The following FAM167A variants were observed in gnomAD, a reference collection of about 807,000 sequenced individuals.
The protein encoded by FAM167A is protein FAM167A.
A neutral mutation model predicts 14.9 loss-of-function variants in FAM167A; 23 were observed. The observed-to-expected ratio is 1.55, with a 90% CI of 1.11 to 2.19. The LOEUF is 2.19. Among genes scored for constraint, FAM167A ranks in the 30% most tolerant of loss-of-function variants. The probability of loss-of-function intolerance (pLI) is 0.00; values close to 1 mark genes in which losing one functional copy is unlikely to be tolerated. For synonymous variants in FAM167A, 174 were observed against 117.7 expected (o/e 1.48, Z -3.10); for missense variants, 401 against 281.5 (o/e 1.42, Z -3.04).
In FAM167A at chr8:11,444,455, G is replaced by A; in HGVS notation, c.-44C>T. ...AGCCGGACATGCGAGGGCACGGGGG[G>A]CGCAGGGGGAGGCTTGGTGGGTGGC... On this transcript the variant is annotated 5_prime_UTR_variant, in exon 2 of 3. Coordinates refer to ENST00000284486, the MANE Select transcript of FAM167A (RefSeq NM_053279.3). The A allele has an allele frequency of 6.6e-7, 1 of 1,509,748 alleles. No homozygotes were observed. Among genetic ancestry groups the A allele is most frequent in the Non-Finnish European group, 8.8e-7 (1 of 1,130,788 alleles). The allele number at this position is 1,509,748 out of a possible 1,614,324, so 93.5% of individuals were successfully genotyped here.
At chr8:11,439,557 T>C (rs1456145148) in intron 2 of FAM167A, among the ~76,000 whole-genome samples, 1 of 134,352 alleles carries the variant, frequency 7.4e-6, no homozygotes, top group Non-Finnish European at 1.7e-5. Flanking sequence ...TGAAAACTTG[T>C]CAAGGTTCTC....
chr8:11,474,835 G>C lies in FAM167A; in HGVS notation c.-398+1031C>G, dbSNP rs564432056. 78 of 152,534 alleles carry C rather than the reference G, an allele frequency of 5.1e-4. 1 individual carries two copies. The highest frequency in any genetic ancestry group is 1.9e-3 in the African/African-American group (77 of 41,348). The allele number at this position is 152,534 out of a possible 1,614,324, so 9.4% of individuals were successfully genotyped here. On this transcript the variant is annotated intron_variant, in intron 1 of 1. Coordinates refer to the FAM167A transcript ENST00000648766. ...AGGAAAAGGAGGGGGTAAGGAGGAA[G>C]ATGAGGAGGCAGAGGGGGAGGGGGA...
Position 11,422,017 on chromosome 8 carries a change from C to A in FAM167A, c.*2356G>T. On this transcript the variant is annotated 3_prime_UTR_variant, in exon 3 of 3. Coordinates refer to ENST00000284486, the MANE Select transcript of FAM167A (RefSeq NM_053279.3). ...CTCCACTTCTCATCTTGGGTCACCT[C>A]CTCATCCCATAATAAAGTTCTCTTA... 1 of 394,414 alleles carries A rather than the reference C, an allele frequency of 2.5e-6. No individual in the cohort carries two copies. Among genetic ancestry groups the A allele is most frequent in the Non-Finnish European group, 4.5e-6 (1 of 224,030 alleles). 24.4% of individuals were successfully genotyped at this position (394,414 alleles called of 1,614,324 possible).
intron 1 of FAM167A, among the ~76,000 whole-genome samples, chr8:11,473,881 CT>C (rs960751778): frequency 7.9e-5 from 12 of 151,112 alleles, no homozygotes; most frequent in African/African-American, 1.7e-4. Context: ...TTTCTTTCTT[CT>C]TTTTTTTTGA....
At chr8:11,441,820 T>C (rs1034297493) in intron 2 of FAM167A, among the ~76,000 whole-genome samples, 1 of 152,234 alleles carries the variant, frequency 6.6e-6, no homozygotes, top group African/African-American at 2.4e-5. Context: ...TGTTTCTCTC[T>C]CTGCCCCCAC....
chr8:11,454,085 G>T (rs773027431), intron 1 of FAM167A, among the ~76,000 whole-genome samples: 1 of 152,252 alleles, frequency 6.6e-6, no homozygotes, highest in African/African-American at 2.4e-5. Flanking sequence ...TAGCTACACT[G>T]TGACTTAGGG....
At chr8:11,473,483 G>C (rs181687383) in intron 1 of FAM167A, among the ~76,000 whole-genome samples, 3 of 152,248 alleles carry the variant, frequency 2.0e-5, no homozygotes, top group African/African-American at 7.2e-5. Flanking sequence ...ACTGTACCCC[G>C]AAGAGATACT....
Position 11,447,183 on chromosome 8 carries a change from C to CTTTTCTTTTTTTT in FAM167A, c.-397-2376_-397-2375insAAAAAAAAGAAAA, listed in dbSNP as rs146992974. On this transcript the variant is annotated intron_variant, in intron 1 of 2. Coordinates refer to ENST00000284486, the MANE Select transcript of FAM167A (RefSeq NM_053279.3). ...TTTATTTCAATTATTGGTTTCTTTT[C>CTTTTCTTTTTTTT]TTTTTCTTTTTTTTGAGACGGAGTT... Among the ~76,000 whole-genome samples the CTTTTCTTTTTTTT allele has an allele frequency of 2.0e-4, 30 of 147,066 alleles. 4 individuals are homozygous for CTTTTCTTTTTTTT. The highest frequency in any genetic ancestry group is 2.1e-4 in the South Asian group (1 of 4,686).
At position 11,461,253 on chromosome 8, in the gene FAM167A, G is replaced by A. The variant is rs145396525; in HGVS notation, c.-398+5373C>T. On this transcript the variant is annotated intron_variant, in intron 1 of 2. Coordinates refer to ENST00000284486, the MANE Select transcript of FAM167A (RefSeq NM_053279.3). ...AAAGGGCGGCCCTGGCAGGCAGGAAGAGGTGCCTGAGAATCTGACAGTTTG... is the reference window on the plus strand; with the variant it reads ...AAAGGGCGGCCCTGGCAGGCAGGAAAAGGTGCCTGAGAATCTGACAGTTTG... 1.8e-3 allele frequency among the ~76,000 whole-genome samples: 276 copies of A among 152,362 alleles called. 5 individuals are homozygous for A. Among genetic ancestry groups the A allele is most frequent in the African/African-American group, 6.2e-3 (258 of 41,592 alleles).
intron 1 of FAM167A, among the ~76,000 whole-genome samples, chr8:11,474,292 A>G (rs373886673): frequency 6.6e-6 from 1 of 152,226 alleles, no homozygotes; most frequent in Non-Finnish European, 1.5e-5. Context: ...TTCAACAAGC[A>G]AACTGGCAGC....
At position 11,422,030 on chromosome 8, in the gene FAM167A, T is replaced by C. The variant is rs963506426; in HGVS notation, c.*2343A>G. On this transcript the variant is annotated 3_prime_UTR_variant, in exon 3 of 3. Transcript: ENST00000284486. ...CTTGGGTCACCTCCTCATCCCATAA[T>C]AAAGTTCTCTTAGGATAAACCGAGC... 5 of 392,036 alleles carry C rather than the reference T, an allele frequency of 1.3e-5. No individual in the cohort carries two copies. Among genetic ancestry groups the C allele is most frequent in the African/African-American group, 1.0e-4 (5 of 48,494 alleles). The allele number at this position is 392,036 out of a possible 1,614,324, so 24.3% of individuals were successfully genotyped here.
intron 2 of FAM167A, among the ~76,000 whole-genome samples, chr8:11,434,528 G>A (rs1265563105): frequency 6.6e-6 from 1 of 152,192 alleles, no homozygotes; most frequent in Non-Finnish European, 1.5e-5. Context: ...CCAGAGCCAG[G>A]CATAGAGCAG....
At chr8:11,441,387 T>G (rs1345300515) in intron 2 of FAM167A, among the ~76,000 whole-genome samples, 1 of 152,196 alleles carries the variant, frequency 6.6e-6, no homozygotes, top group Non-Finnish European at 1.5e-5. Flanking sequence ...TGTTGGAAAT[T>G]CGAAAGCACA....
intron 1 of FAM167A, among the ~76,000 whole-genome samples, chr8:11,464,928 TAGTAGAC>T (rs796573165): frequency 1.1e-4 from 17 of 152,216 alleles, no homozygotes; most frequent in African/African-American, 4.1e-4. Context: ...GGGGCCAAGC[TAGTAGAC>T]AGGAAGGCGG....
At chr8:11,431,738 C>T (rs946753749) in intron 2 of FAM167A, among the ~76,000 whole-genome samples, 1 of 151,702 alleles carries the variant, frequency 6.6e-6, no homozygotes, top group Non-Finnish European at 1.5e-5. Context: ...GGGGCCCAGC[C>T]TGGACAGTTG....
intron 2 of FAM167A, among the ~76,000 whole-genome samples, chr8:11,426,486 C>G (rs1435980321): frequency 1.3e-5 from 2 of 152,182 alleles, no homozygotes; most frequent in African/African-American, 2.4e-5. Flanking sequence ...TCTCACCTGG[C>G]TTCACACTCC....
rs561778112 is a variant in FAM167A, at chr8:11,445,450, C to A, written c.-397-642G>T. 4.1e-6 allele frequency: 4 copies of A among 985,838 alleles called. No individual in the cohort carries two copies. The Admixed American group carries it at 1.8e-4, about 45-fold the overall frequency. 61.1% of individuals were successfully genotyped at this position (985,838 alleles called of 1,614,324 possible). ...CTCTTCAGAGACAGAAGCAAATAAACCTGCAGCTGTGGAGGGAAGAAGGCG... is the reference window on the plus strand; with the variant it reads ...CTCTTCAGAGACAGAAGCAAATAAAACTGCAGCTGTGGAGGGAAGAAGGCG... On this transcript the variant is annotated intron_variant, in intron 1 of 2. Transcript: ENST00000284486.
At chr8:11,435,290 C>A (rs773157778) in intron 2 of FAM167A, among the ~76,000 whole-genome samples, 12 of 152,178 alleles carry the variant, frequency 7.9e-5, no homozygotes, top group Non-Finnish European at 1.2e-4. Context: ...GCCCCATGGG[C>A]GCCTGCTACC....
At chr8:11,470,657 T>C (rs1807931158), upstream of FAM167A, among the ~76,000 whole-genome samples, 1 of 152,120 alleles carries the variant, frequency 6.6e-6, no homozygotes, top group African/African-American at 2.4e-5. Context: ...GATTCCTGGA[T>C]TCTAGGGATA....
Sources: gnomAD v4.1 joint callset for allele counts (sites outside exome capture counted in the v4.1 genomes callset) on GRCh38, gnomAD v4.1.1 for gene constraint, MANE v1.5 for transcripts, NCBI Gene and HGNC (gene_info 2026-07-23, HGNC 2026-07-21) for gene names.